Variants in PCDH9 observed in about 807,000 individuals in gnomAD.
PCDH9 encodes the protein protocadherin 9.
A neutral mutation model predicts 70.6 loss-of-function variants in PCDH9; 24 were observed. The ratio of observed to expected loss-of-function variants is 0.34; its 90% CI spans 0.25 to 0.48. The LOEUF is 0.48. Among genes scored for constraint, PCDH9 ranks in the 20% least tolerant of loss-of-function variants. The pLI, the probability that PCDH9 is intolerant of heterozygous loss-of-function variation, is 0.99. For synonymous variants in PCDH9, 562 were observed against 558.5 expected (o/e 1.01, Z -0.09); for missense variants, 1,281 against 1,503.6 (o/e 0.85, Z 2.45).
chr13:66,517,101 C>T (rs4293259), intron 4 of PCDH9, among the ~76,000 whole-genome samples: 149,517 of 152,248 alleles, frequency 0.98, 73,476 homozygotes, highest in South Asian at 1. Context: ...AGTTTGCCCA[C>T]ACGTGCCAAA....
rs192994229 is a variant in PCDH9 at position 67,085,726 on chromosome 13, C to A, written c.3036+139679G>T. On this transcript the variant is annotated intron_variant, in intron 2 of 4. Coordinates refer to ENST00000377865, the MANE Select transcript of PCDH9 (RefSeq NM_203487.3). ...CTGTGGCTAACAAGCAATATTCCAA[C>A]AAACAATTTCATCCCTTGACTGAAC... Among the ~76,000 whole-genome samples the A allele has an allele frequency of 2.7e-3, 412 of 152,246 alleles. 4 individuals are homozygous for A. Among genetic ancestry groups the A allele is most frequent in the African/African-American group, 9.5e-3 (393 of 41,558 alleles).
At chr13:66,577,458 T>A (rs1413293697) in intron 4 of PCDH9, among the ~76,000 whole-genome samples, 1 of 151,972 alleles carries the variant, frequency 6.6e-6, no homozygotes, top group Admixed American at 6.6e-5. Context: ...ATTATCAATA[T>A]TATATGAACT....
chr13:66,767,406 G>A (rs2079735564), intron 3 of PCDH9, among the ~76,000 whole-genome samples: 1 of 152,084 alleles, frequency 6.6e-6, no homozygotes, highest in Non-Finnish European at 1.5e-5. Flanking sequence ...ACAAATATGA[G>A]TCAAGTCAAT....
chr13:66,717,481 ATATATATATAT>A (rs1205823372), intron 3 of PCDH9, among the ~76,000 whole-genome samples: 58 of 13,818 alleles, frequency 4.2e-3, no homozygotes, highest in East Asian at 0.024. Flanking sequence ...AAAAAAAAAA[ATATATATATAT>A]ATATATATAT....
chr13:66,461,194 A>G (rs1461942114), intron 4 of PCDH9, among the ~76,000 whole-genome samples: 1 of 151,848 alleles, frequency 6.6e-6, no homozygotes. Flanking sequence ...CCTGACTCAT[A>G]TACTTCTTTA....
chr13:66,412,917 A>G (rs1429001274), intron 4 of PCDH9, among the ~76,000 whole-genome samples: 1 of 152,250 alleles, frequency 6.6e-6, no homozygotes, highest in African/African-American at 2.4e-5. Flanking sequence ...GTGCTAAACA[A>G]GCACACACAG....
intron 3 of PCDH9, among the ~76,000 whole-genome samples, chr13:66,777,454 T>C (rs1332323525): frequency 6.6e-6 from 1 of 151,618 alleles, no homozygotes; most frequent in African/African-American, 2.4e-5. Flanking sequence ...AACAACCCCA[T>C]CAAAAAGTGG....
chr13:66,659,602 G>A (rs1044489226), intron 3 of PCDH9, among the ~76,000 whole-genome samples: 3 of 142,080 alleles, frequency 2.1e-5, no homozygotes, highest in Admixed American at 7.1e-5. Flanking sequence ...TTAATCTTTC[G>A]CAGGTTTTAA....
intron 2 of PCDH9, among the ~76,000 whole-genome samples, chr13:67,143,969 G>C (rs1288418121): frequency 6.6e-6 from 1 of 152,152 alleles, no homozygotes; most frequent in East Asian, 1.9e-4. Context: ...ACATTGCCAG[G>C]AAGCACACTT....
intron 2 of PCDH9, among the ~76,000 whole-genome samples, chr13:66,948,146 C>T (rs2083119524): frequency 1.3e-5 from 2 of 151,986 alleles, no homozygotes; most frequent in Admixed American, 1.3e-4. Context: ...GATATTGACA[C>T]AAATTAGGAC....
intron 4 of PCDH9, among the ~76,000 whole-genome samples, chr13:66,491,385 T>TTGTGTGTGTGTGTGTGGG (rs1959029875): frequency 7.4e-6 from 1 of 136,030 alleles, no homozygotes; most frequent in African/African-American, 2.8e-5. Context: ...GCAGGAGATA[T>TTGTGTGTGTGTGTGTGGG]TGTGTGTGTG....
chr13:66,732,379 T>A (rs1449626402), intron 3 of PCDH9, among the ~76,000 whole-genome samples: 2 of 151,970 alleles, frequency 1.3e-5, no homozygotes, highest in Admixed American at 6.6e-5. Flanking sequence ...ACTACTATTA[T>A]CTGTGATATA....
chr13:66,720,569 C>CT (rs2078929675), intron 3 of PCDH9, among the ~76,000 whole-genome samples: 1 of 152,014 alleles, frequency 6.6e-6, no homozygotes, highest in East Asian at 1.9e-4. Context: ...AAAATGGACA[C>CT]TTTTTTCTTC....
At chr13:66,918,273 T>A (rs2082587157) in intron 2 of PCDH9, among the ~76,000 whole-genome samples, 1 of 151,120 alleles carries the variant, frequency 6.6e-6, no homozygotes, top group South Asian at 2.1e-4. Flanking sequence ...GCCTTATTTA[T>A]CATTTTGCCT....
intron 3 of PCDH9, among the ~76,000 whole-genome samples, chr13:66,757,461 T>C (rs1247674674): frequency 6.6e-6 from 1 of 152,218 alleles, no homozygotes; most frequent in Non-Finnish European, 1.5e-5. Flanking sequence ...CAGCTTTACT[T>C]AATTTACCAT....
Position 66,848,060 on chromosome 13 carries a change from T to C in PCDH9, c.3138+55444A>G, listed in dbSNP as rs140598096. ...ACTATCTCTGATTTCTTATTACCCA[T>C]GGCTTATAAGAAACACCAATCTCCT... is the stretch of plus-strand genomic sequence containing the variant. On this transcript the variant is annotated intron_variant, in intron 3 of 4. Transcript: ENST00000377865. Among the ~76,000 whole-genome samples the C allele has an allele frequency of 3.4e-3, 520 of 152,286 alleles. 3 individuals are homozygous for C. Among genetic ancestry groups the C allele is most frequent in the African/African-American group, 0.012 (493 of 41,558 alleles).
At position 66,738,328 on chromosome 13, in the gene PCDH9, G is replaced by A. The variant is rs368812921; in HGVS notation, c.3139-106917C>T. 3.3e-4 allele frequency among the ~76,000 whole-genome samples: 50 copies of A among 151,628 alleles called. No individual in the cohort carries two copies. In the East Asian group the frequency reaches 3.7e-3, roughly 11 times the overall value. ...AACAAACAGAAAGGACATCCACACC[G>A]AAAACCCATCTGTACATCACCATCA... On this transcript the variant is annotated intron_variant, in intron 3 of 4. Transcript: ENST00000377865.
chr13:66,711,377 CGAA>C (rs1224412272), intron 3 of PCDH9, among the ~76,000 whole-genome samples: 3 of 140,888 alleles, frequency 2.1e-5, no homozygotes, highest in Non-Finnish European at 3.1e-5. Flanking sequence ...TATGTATTGA[CGAA>C]GAAGAAAATT....
chr13:66,468,720 C>T (rs1958560691), intron 4 of PCDH9, among the ~76,000 whole-genome samples: 1 of 152,076 alleles, frequency 6.6e-6, no homozygotes, highest in Non-Finnish European at 1.5e-5. Context: ...CAAATTTATA[C>T]ATATTAACAA....
Sources: allele counts gnomAD v4.1 joint callset (sites outside exome capture counted in the v4.1 genomes callset), GRCh38; gene constraint gnomAD v4.1.1; transcripts MANE v1.5; gene names NCBI Gene and HGNC (gene_info 2026-07-23, HGNC 2026-07-21).